KCTD16: variants seen among roughly 807,000 people sequenced by gnomAD.
The protein encoded by KCTD16 is BTB/POZ domain-containing protein KCTD16.
Under a neutral mutation model 33.2 loss-of-function variants are expected in KCTD16, and 13 were observed. The ratio of observed to expected loss-of-function variants is 0.39; its 90% CI spans 0.25 to 0.62. The LOEUF is 0.62. Ranked by LOEUF, KCTD16 falls within the 20% of genes least tolerant of loss-of-function variation. The pLI, the probability that KCTD16 is intolerant of heterozygous loss-of-function variation, is 0.50. For synonymous variants in KCTD16, 197 were observed against 195.3 expected (o/e 1.01, Z -0.07); for missense variants, 441 against 525.1 (o/e 0.84, Z 1.57).
chr5:144,307,200 T>G (rs576614103), intron 3 of KCTD16, among the ~76,000 whole-genome samples: 1 of 152,342 alleles, frequency 6.6e-6, no homozygotes, highest in Non-Finnish European at 1.5e-5. Flanking sequence ...TCTATTCATC[T>G]TTGAAGGCCT....
intron 3 of KCTD16, among the ~76,000 whole-genome samples, chr5:144,224,585 T>A (rs1753872107): frequency 1.3e-5 from 2 of 152,092 alleles, no homozygotes; most frequent in African/African-American, 4.8e-5. Context: ...ATAGCTATAT[T>A]TTTATATTTT....
intron 3 of KCTD16, among the ~76,000 whole-genome samples, chr5:144,261,878 A>G (rs879666936): frequency 1.3e-5 from 2 of 152,200 alleles, no homozygotes; most frequent in African/African-American, 2.4e-5. Context: ...CTGAATGAGG[A>G]CAATGACTTT....
At chr5:144,280,715 G>A (rs530166101) in intron 3 of KCTD16, among the ~76,000 whole-genome samples, 3 of 152,224 alleles carry the variant, frequency 2.0e-5, no homozygotes, top group Admixed American at 1.3e-4. Context: ...ACGAGGTCAG[G>A]AGATCGAGAC....
intron 3 of KCTD16, among the ~76,000 whole-genome samples, chr5:144,389,018 T>C (rs1032172762): frequency 5.9e-5 from 9 of 152,320 alleles, no homozygotes; most frequent in African/African-American, 2.2e-4. Flanking sequence ...AAGGACTTCT[T>C]TGAGAGCCAC....
intron 2 of KCTD16, among the ~76,000 whole-genome samples, chr5:144,186,372 A>AAAAC (rs1487284478): frequency 3.6e-4 from 54 of 151,752 alleles, no homozygotes; most frequent in Middle Eastern, 3.4e-3. Context: ...AAGAAAAAAA[A>AAAAC]AAAAACTAAT....
intron 3 of KCTD16, among the ~76,000 whole-genome samples, chr5:144,249,659 G>A (rs1233809282): frequency 1.3e-5 from 2 of 152,140 alleles, no homozygotes; most frequent in Non-Finnish European, 2.9e-5. Flanking sequence ...TGCATTTTAT[G>A]TTGTAGAACT....
At chr5:144,314,873 A>G (rs1751864742) in intron 3 of KCTD16, among the ~76,000 whole-genome samples, 1 of 152,120 alleles carries the variant, frequency 6.6e-6, no homozygotes. Context: ...CCTAAATCAC[A>G]CATCTTTGCC....
intron 3 of KCTD16, among the ~76,000 whole-genome samples, chr5:144,339,928 GTAATA>G (rs1322621897): frequency 6.6e-6 from 1 of 152,196 alleles, no homozygotes; most frequent in Non-Finnish European, 1.5e-5. Flanking sequence ...TCAATAGTGA[GTAATA>G]TAGTGCTTGT....
chr5:144,401,002 C>T (rs920624108), intron 3 of KCTD16, among the ~76,000 whole-genome samples: 3 of 152,002 alleles, frequency 2.0e-5, no homozygotes, highest in Admixed American at 6.6e-5. Context: ...AAATCAGTAG[C>T]GGGCCAAAGT....
At chr5:144,255,569 T>C (rs1754822745) in intron 3 of KCTD16, among the ~76,000 whole-genome samples, 1 of 152,220 alleles carries the variant, frequency 6.6e-6, no homozygotes, top group Admixed American at 6.5e-5. Flanking sequence ...TTTGCGTTTT[T>C]CTGAAGTGAC....
At chr5:144,334,159 G>A (rs1380838661) in intron 3 of KCTD16, among the ~76,000 whole-genome samples, 1 of 152,174 alleles carries the variant, frequency 6.6e-6, no homozygotes, top group Non-Finnish European at 1.5e-5. Flanking sequence ...TGGTTATGAA[G>A]GGTTCATCAA....
intron 3 of KCTD16, among the ~76,000 whole-genome samples, chr5:144,472,605 A>T (rs1754502245): frequency 6.6e-6 from 1 of 152,226 alleles, no homozygotes; most frequent in Non-Finnish European, 1.5e-5. Flanking sequence ...CTTATAAGTT[A>T]TAATATGGTC....
chr5:144,409,567 G>A (rs1031612097), intron 3 of KCTD16, among the ~76,000 whole-genome samples: 2 of 151,878 alleles, frequency 1.3e-5, no homozygotes, highest in Non-Finnish European at 2.9e-5. Context: ...AATGAAAACA[G>A]GCAATTGCGG....
intron 3 of KCTD16, among the ~76,000 whole-genome samples, chr5:144,453,373 T>C (rs1464336756): frequency 6.6e-6 from 1 of 152,110 alleles, no homozygotes; most frequent in African/African-American, 2.4e-5. Context: ...TCCTCTATCT[T>C]GATGCCGAAG....
intron 3 of KCTD16, among the ~76,000 whole-genome samples, chr5:144,250,214 A>G (rs1754660277): frequency 1.3e-5 from 2 of 152,158 alleles, no homozygotes; most frequent in Admixed American, 6.5e-5. Flanking sequence ...AGCACTTTCT[A>G]CAGTACTCAT....
At chr5:144,406,841 G>C (rs1476391138) in intron 3 of KCTD16, among the ~76,000 whole-genome samples, 3 of 152,178 alleles carry the variant, frequency 2.0e-5, no homozygotes, top group African/African-American at 7.2e-5. Context: ...ATTTTCTTCA[G>C]CTGCTGCCAG....
chr5:144,173,769 G>C (rs1373009282), intron 1 of KCTD16, among the ~76,000 whole-genome samples: 4 of 152,174 alleles, frequency 2.6e-5, no homozygotes, highest in African/African-American at 9.7e-5. Flanking sequence ...AGAACATTGA[G>C]TTACCTGATT....
At chr5:144,278,592 G>T (rs1007214294) in intron 3 of KCTD16, among the ~76,000 whole-genome samples, 1 of 146,408 alleles carries the variant, frequency 6.8e-6, no homozygotes, top group African/African-American at 2.6e-5. Context: ...CCGCTTCCCG[G>T]ATTCACGCCA....
rs1554092476 is a variant in KCTD16 at position 144,398,708 on chromosome 5, A to ACACTCTCTCTCTCT, written c.833-74951_833-74950insACTCTCTCTCTCTC. On this transcript the variant is annotated intron_variant, in intron 3 of 3. Coordinates refer to ENST00000512467, the MANE Select transcript of KCTD16 (RefSeq NM_020768.4). ...CTTTGAATATATTACACACACACAC[A>ACACTCTCTCTCTCT]CTCTCTCTCTCTCTCTCTCTCTCTT... Among the ~76,000 whole-genome samples the ACACTCTCTCTCTCT allele has an allele frequency of 1.4e-3, 198 of 145,518 alleles. 1 individual carries two copies. Among genetic ancestry groups the ACACTCTCTCTCTCT allele is most frequent in the African/African-American group, 4.8e-3 (190 of 39,820 alleles).
Sources: allele counts gnomAD v4.1 joint callset (sites outside exome capture counted in the v4.1 genomes callset), GRCh38; gene constraint gnomAD v4.1.1; transcripts MANE v1.5; gene names NCBI Gene and HGNC (gene_info 2026-07-23, HGNC 2026-07-21).